ATXN7L1: variants seen among roughly 807,000 people sequenced by gnomAD.
ATXN7L1 encodes ataxin 7 like 1, also known as ataxin-7-like protein 1.
ATXN7L1 carries 15 observed loss-of-function variants against 70.8 expected under a neutral mutation model. The ratio of observed to expected loss-of-function variants is 0.21; its 90% confidence interval spans 0.14 to 0.33. ATXN7L1 has a LOEUF of 0.33. Ranked by LOEUF, ATXN7L1 falls within the 10% of genes least tolerant of loss-of-function variation. The pLI, the probability that ATXN7L1 is intolerant of heterozygous loss-of-function variation, is 1.00. For synonymous variants in ATXN7L1, 440 were observed against 445.1 expected (o/e 0.99, Z 0.14); for missense variants, 975 against 1,097.1 (o/e 0.89, Z 1.57).
intron 3 of ATXN7L1, among the ~76,000 whole-genome samples, chr7:105,776,299 G>T (rs1368260058): frequency 6.6e-6 from 1 of 152,110 alleles, no homozygotes; most frequent in African/African-American, 2.4e-5. Flanking sequence ...CTCACAGAGG[G>T]ATGCCTTTCC....
intron 2 of ATXN7L1, among the ~76,000 whole-genome samples, 162 bp from the exon 3 acceptor site, chr7:105,788,870 C>T (rs1804710182): frequency 6.6e-6 from 1 of 152,194 alleles, no homozygotes; most frequent in South Asian, 2.1e-4. Flanking sequence ...AAGGCAACTC[C>T]CCGCCTCTTA....
intron 3 of ATXN7L1, among the ~76,000 whole-genome samples, chr7:105,676,705 T>C (rs540566057): frequency 2.0e-5 from 3 of 152,102 alleles, no homozygotes; most frequent in Non-Finnish European, 2.9e-5. Context: ...CCAGGTGTGG[T>C]GGCATGTGTC....
In ATXN7L1 at chr7:105,648,632, G is replaced by A. The variant is rs138229098; in HGVS notation, c.579-5511C>T. On this transcript the variant is annotated intron_variant, in intron 4 of 11. Coordinates refer to ENST00000419735, the MANE Select transcript of ATXN7L1 (RefSeq NM_020725.2). ...CCTCCCATACACACAGATCCCGCGT[G>A]TGCCTATGCTGCAGCCACAGTGCAG... 1.6e-4 allele frequency among the ~76,000 whole-genome samples: 24 copies of A among 152,210 alleles called. No individual in the cohort carries two copies. The East Asian group carries it at 3.7e-3, about 23-fold the overall frequency.
chr7:105,738,067 G>T (rs945997575), intron 3 of ATXN7L1, among the ~76,000 whole-genome samples: 1 of 152,210 alleles, frequency 6.6e-6, no homozygotes, highest in African/African-American at 2.4e-5. Flanking sequence ...CCTAAAAGGG[G>T]TGAGTGGTTA....
At chr7:105,684,329 ATTC>A (rs1456157100) in intron 3 of ATXN7L1, among the ~76,000 whole-genome samples, 1 of 152,108 alleles carries the variant, frequency 6.6e-6, no homozygotes, top group Non-Finnish European at 1.5e-5. Flanking sequence ...TTCTTAAACT[ATTC>A]TTTACAAAGC....
rs1488269565 is a variant in ATXN7L1, at chr7:105,682,800, T to A, written c.356-17512A>T. Among the ~76,000 whole-genome samples the A allele has an allele frequency of 2.6e-5, 4 of 152,300 alleles. No homozygotes were observed. The East Asian group carries it at 7.7e-4, about 29-fold the overall frequency. ...GCTGTATGTGGTGGGGGAGGGGGAA[T>A]AACTGCTTAATGGGTATGAGGTTTT... On this transcript the variant is annotated intron_variant, in intron 3 of 11. Transcript: ENST00000419735.
At chr7:105,758,953 C>T (rs537632617) in intron 3 of ATXN7L1, among the ~76,000 whole-genome samples, 12 of 152,214 alleles carry the variant, frequency 7.9e-5, no homozygotes, top group Non-Finnish European at 1.5e-4. Flanking sequence ...GCCATCCCTG[C>T]GGAAGGGGGT....
chr7:105,845,113 G>A (rs1320230550), intron 2 of ATXN7L1, among the ~76,000 whole-genome samples: 4 of 149,702 alleles, frequency 2.7e-5, no homozygotes, highest in African/African-American at 9.9e-5. Flanking sequence ...GCTGAGGCAG[G>A]AGGATTGCTT....
chr7:105,634,024 T>C (rs529243810), intron 7 of ATXN7L1, among the ~76,000 whole-genome samples: 1 of 152,200 alleles, frequency 6.6e-6, no homozygotes, highest in African/African-American at 2.4e-5. Context: ...GGTGATATAG[T>C]GGTGGATGCT....
intron 2 of ATXN7L1, among the ~76,000 whole-genome samples, chr7:105,826,825 T>C (rs997611743): frequency 1.3e-5 from 2 of 152,202 alleles, no homozygotes; most frequent in East Asian, 3.8e-4. Context: ...GAATGGTAGA[T>C]GATTTTGGCA....
intron 2 of ATXN7L1, among the ~76,000 whole-genome samples, chr7:105,859,435 G>A (rs564066746): frequency 1.3e-5 from 2 of 151,946 alleles, no homozygotes; most frequent in Non-Finnish European, 2.9e-5. Context: ...ACACACAGTC[G>A]CATAATGACA....
intron 5 of ATXN7L1, among the ~76,000 whole-genome samples, chr7:105,640,834 C>T (rs1036317017): frequency 6.6e-6 from 1 of 152,218 alleles, no homozygotes; most frequent in Admixed American, 6.5e-5. Context: ...ATAAGTCCTG[C>T]AGAGCAGGAA....
At chr7:105,610,876 AT>A (rs1793086947) in intron 10 of ATXN7L1, among the ~76,000 whole-genome samples, 1 of 152,212 alleles carries the variant, frequency 6.6e-6, no homozygotes, top group Non-Finnish European at 1.5e-5. Context: ...ACAGGGAAGG[AT>A]GAGGACAAAG....
chr7:105,854,046 CCTGGCCGTTCCCT>C (rs1197183651), intron 2 of ATXN7L1, among the ~76,000 whole-genome samples: 2 of 152,160 alleles, frequency 1.3e-5, no homozygotes, highest in Admixed American at 6.5e-5. Context: ...TCCCCTTCAT[CCTGGCCGTTCCCT>C]CCACCCCCAG....
At position 105,806,964 on chromosome 7, in the gene ATXN7L1, A is replaced by G. The variant is rs190634897; in HGVS notation, c.251-18256T>C. 5.0e-4 allele frequency among the ~76,000 whole-genome samples: 76 copies of G among 152,352 alleles called. 1 individual carries two copies. In the East Asian group the frequency reaches 0.014, roughly 29 times the overall value. On this transcript the variant is annotated intron_variant, in intron 2 of 11. Coordinates refer to ENST00000419735, the MANE Select transcript of ATXN7L1 (RefSeq NM_020725.2). ...AATTTTAAACAACAAATATGTGAAC[A>G]GGGCTTTAGTCTGCAAGAAGCCAGC... is the stretch of plus-strand genomic sequence containing the variant.
At chr7:105,640,840 A>T (rs1299721936) in intron 5 of ATXN7L1, among the ~76,000 whole-genome samples, 1 of 152,236 alleles carries the variant, frequency 6.6e-6, no homozygotes, top group African/African-American at 2.4e-5. Context: ...CCTGCAGAGC[A>T]GGAATGACAC....
chr7:105,871,084 G>GTTTTT (rs3999852), intron 2 of ATXN7L1, among the ~76,000 whole-genome samples: 3 of 135,054 alleles, frequency 2.2e-5, no homozygotes, highest in African/African-American at 8.3e-5. Flanking sequence ...GAGGGCTTGG[G>GTTTTT]TTTTTTTTTT....
chr7:105,641,209 T>C (rs1798135234), intron 5 of ATXN7L1, among the ~76,000 whole-genome samples: 2 of 105,718 alleles, frequency 1.9e-5, no homozygotes, highest in African/African-American at 7.3e-5. Context: ...TCTCTCTCTC[T>C]CTCTCTTTTT....
intron 4 of ATXN7L1, among the ~76,000 whole-genome samples, chr7:105,659,557 G>C (rs1297707009): frequency 6.6e-6 from 1 of 152,192 alleles, no homozygotes; most frequent in Middle Eastern, 3.2e-3. Flanking sequence ...AATGAGGAAA[G>C]GGCATTGAGA....
Sources: gnomAD v4.1 joint callset for allele counts (sites outside exome capture counted in the v4.1 genomes callset) on GRCh38, gnomAD v4.1.1 for gene constraint, MANE v1.5 for transcripts, NCBI Gene and HGNC (gene_info 2026-07-23, HGNC 2026-07-21) for gene names.